The following SCHIP1 variants were observed in gnomAD, a reference collection of about 807,000 sequenced individuals.
SCHIP1 encodes the protein schwannomin interacting protein 1, also known as schwannomin-interacting protein 1.
Under a neutral mutation model 29.7 loss-of-function variants are expected in SCHIP1, and 8 were observed. The observed-to-expected ratio is 0.27, with a 90% CI of 0.16 to 0.49. The LOEUF (loss-of-function observed/expected upper bound fraction) is 0.49, where lower values mean the gene tolerates loss of function less well. SCHIP1 is among the 20% of genes least tolerant of loss of function. SCHIP1 has a pLI of 0.99. For synonymous variants in SCHIP1, 76 were observed against 94.9 expected (o/e 0.80, Z 1.16); for missense variants, 193 against 294.6 (o/e 0.66, Z 2.52).
the SCHIP1 span, among the ~76,000 whole-genome samples, chr3:159,369,428 T>G: frequency 2.0e-5 from 3 of 152,158 alleles, no homozygotes; most frequent in Admixed American, 2.0e-4. Context: ...GTGAGTATTC[T>G]TTCTCAAGAA....
chr3:159,872,082 T>C (rs990578736), intron 2 of SCHIP1, among the ~76,000 whole-genome samples: 1 of 152,172 alleles, frequency 6.6e-6, no homozygotes, highest in Admixed American at 6.5e-5. Flanking sequence ...CTGCATATTA[T>C]CTTCTAAAAT....
chr3:159,457,901 G>A, the SCHIP1 span, among the ~76,000 whole-genome samples: 1 of 152,122 alleles, frequency 6.6e-6, no homozygotes, highest in African/African-American at 2.4e-5. Context: ...TACTCATGCA[G>A]TTTTGGGCTT....
At chr3:159,334,924 C>T in the SCHIP1 span, among the ~76,000 whole-genome samples, 34 of 148,630 alleles carry the variant, frequency 2.3e-4, no homozygotes, top group Admixed American at 1.4e-3. Flanking sequence ...ATTTTGAGAC[C>T]GAGTATTGCT....
At chr3:159,625,910 G>C in the SCHIP1 span, among the ~76,000 whole-genome samples, 1 of 152,032 alleles carries the variant, frequency 6.6e-6, no homozygotes, top group African/African-American at 2.4e-5. Flanking sequence ...AACCCAGCTA[G>C]CAAATACAGG....
At chr3:159,836,119 TG>T (rs1352737255), upstream of SCHIP1, among the ~76,000 whole-genome samples, 1 of 152,228 alleles carries the variant, frequency 6.6e-6, no homozygotes. Flanking sequence ...CCAAGTCTGG[TG>T]GGTCCTCAGT....
the SCHIP1 span, among the ~76,000 whole-genome samples, chr3:159,786,724 GTGT>G: frequency 1.3e-5 from 2 of 151,792 alleles, no homozygotes; most frequent in Admixed American, 1.3e-4. Context: ...GTGTGTGTGT[GTGT>G]GTGTTTTGTG....
the SCHIP1 span, among the ~76,000 whole-genome samples, chr3:159,568,652 G>A: frequency 6.6e-6 from 1 of 151,996 alleles, no homozygotes; most frequent in African/African-American, 2.4e-5. Flanking sequence ...ATTCCATGTT[G>A]TTTGAGAAAA....
At chr3:159,497,228 C>A in the SCHIP1 span, among the ~76,000 whole-genome samples, 1 of 151,770 alleles carries the variant, frequency 6.6e-6, no homozygotes, top group Non-Finnish European at 1.5e-5. Context: ...TGCACATGTA[C>A]CCTAAAACTT....
At chr3:159,563,865 A>G in the SCHIP1 span, among the ~76,000 whole-genome samples, 1 of 152,172 alleles carries the variant, frequency 6.6e-6, no homozygotes, top group Non-Finnish European at 1.5e-5. Context: ...GCAATCCTCT[A>G]TTGCATATCA....
chr3:159,440,236 C>T, the SCHIP1 span, among the ~76,000 whole-genome samples: 1 of 152,108 alleles, frequency 6.6e-6, no homozygotes, highest in East Asian at 1.9e-4. Flanking sequence ...TATTTCTGGG[C>T]TCTGTATTCT....
chr3:159,420,677 G>A, the SCHIP1 span, among the ~76,000 whole-genome samples: 80 of 152,280 alleles, frequency 5.3e-4, no homozygotes, highest in African/African-American at 1.9e-3. Flanking sequence ...ATTATTACTG[G>A]AAACAATGGC....
chr3:159,577,253 C>A, the SCHIP1 span, among the ~76,000 whole-genome samples: 1 of 152,062 alleles, frequency 6.6e-6, no homozygotes, highest in Admixed American at 6.6e-5. Flanking sequence ...AATAACAAAG[C>A]AAAACAAGAC....
At chr3:159,659,047 T>C in the SCHIP1 span, among the ~76,000 whole-genome samples, 2 of 152,158 alleles carry the variant, frequency 1.3e-5, no homozygotes, top group East Asian at 3.9e-4. Flanking sequence ...GTAGGTGCAT[T>C]TGTTGTGTTG....
At chr3:159,394,567 A>G in the SCHIP1 span, among the ~76,000 whole-genome samples, 49 of 152,208 alleles carry the variant, frequency 3.2e-4, no homozygotes, top group African/African-American at 9.6e-4. Flanking sequence ...CATCTATTGA[A>G]ATAATCATGT....
chr3:159,725,221 G>A, the SCHIP1 span, among the ~76,000 whole-genome samples: 1 of 151,610 alleles, frequency 6.6e-6, no homozygotes, highest in Non-Finnish European at 1.5e-5. Context: ...GTTCCACTTG[G>A]GAAGATGAGA....
At chr3:159,340,288 G>A in the SCHIP1 span, among the ~76,000 whole-genome samples, 2 of 151,992 alleles carry the variant, frequency 1.3e-5, no homozygotes, top group Non-Finnish European at 2.9e-5. Flanking sequence ...CTCATTCAAA[G>A]ATAGATGAAC....
At chr3:159,519,047 T>C in the SCHIP1 span, among the ~76,000 whole-genome samples, 2 of 152,118 alleles carry the variant, frequency 1.3e-5, no homozygotes, top group African/African-American at 4.8e-5. Flanking sequence ...ATAATACTAA[T>C]AATGTATGTC....
chr3:159,394,842 G>A, the SCHIP1 span, among the ~76,000 whole-genome samples: 3 of 152,072 alleles, frequency 2.0e-5, no homozygotes, highest in African/African-American at 7.2e-5. Context: ...AATGAGTTAG[G>A]GAGGATTCCC....
chr3:159,666,545 T>G, the SCHIP1 span, among the ~76,000 whole-genome samples: 1 of 152,218 alleles, frequency 6.6e-6, no homozygotes, highest in Admixed American at 6.5e-5. Context: ...TAGGTTCACA[T>G]AAATAGAATT....
Sources: gnomAD v4.1 joint callset for allele counts (sites outside exome capture counted in the v4.1 genomes callset) on GRCh38, gnomAD v4.1.1 for gene constraint, MANE v1.5 for transcripts, NCBI Gene and HGNC (gene_info 2026-07-23, HGNC 2026-07-21) for gene names.